Variants in LRIG1 observed in about 807,000 individuals in gnomAD.
The protein encoded by LRIG1 is leucine rich repeats and immunoglobulin like domains 1.
LRIG1 carries 48 observed loss-of-function variants against 99.2 expected under a neutral mutation model. The ratio of observed to expected loss-of-function variants is 0.48; its 90% CI spans 0.38 to 0.62. The LOEUF (loss-of-function observed/expected upper bound fraction) is 0.62. Ranked by LOEUF, LRIG1 falls within the 20% of genes least tolerant of loss-of-function variation. The pLI is 0.00. For missense variants in LRIG1, 1,646 were observed against 1,434.4 expected (o/e 1.15, Z -2.38); for synonymous variants, 772 against 596.1 (o/e 1.29, Z -4.30).
chr3:66,380,430 C>T lies in LRIG1; in HGVS notation c.3115G>A (p.Ala1039Thr), dbSNP rs889087435. Residue 1039 changes from alanine to threonine, a missense_variant, in exon 19 of 19, where the codon GCA becomes ACA. Physicochemically the swap from Ala to Thr is moderately conservative, Grantham distance 58. Coordinates refer to ENST00000273261, the MANE Select transcript of LRIG1 (RefSeq NM_015541.3). The part of the protein sequence containing the change: ...YHPDSTELQP[A>T]SSLTSGSPER... ...GGACTGCCTGAAGTTAATGAAGATGCAGGCTGTAGCTCTGTGGAGTCCGGG... is the reference window on the plus strand; with the variant it reads ...GGACTGCCTGAAGTTAATGAAGATGTAGGCTGTAGCTCTGTGGAGTCCGGG... 15 of 1,614,064 alleles carry T rather than the reference C, an allele frequency of 9.3e-6. No individual in the cohort carries two copies. The highest frequency in any genetic ancestry group is 2.2e-5 in the East Asian group (1 of 44,898).
At position 66,405,737 on chromosome 3, in the gene LRIG1, G is replaced by A. The variant is rs941997558; in HGVS notation, c.1080-459C>T. On this transcript the variant is annotated intron_variant, in intron 8 of 18. Coordinates refer to ENST00000273261, the MANE Select transcript of LRIG1 (RefSeq NM_015541.3). ...AAGAGACCCGGCACAGGGCCGGCCC[G>A]TGGGCGCCTCCGTACCAGCCAGTGG... 22 of 1,117,548 alleles carry A rather than the reference G, an allele frequency of 2.0e-5. No individual in the cohort carries two copies. In the East Asian group the frequency reaches 2.1e-4, roughly 11 times the overall value. The allele number at this position is 1,117,548 out of a possible 1,614,324, so 69.2% of individuals were successfully genotyped here.
At chr3:66,407,618 T>A in intron 7 of LRIG1, 127 bp from the exon 8 acceptor site, 2 of 867,398 alleles carry the variant, frequency 2.3e-6, no homozygotes, top group Non-Finnish European at 3.6e-6. Context: ...CGCACGCGCG[T>A]GCGTGCACAC....
chr3:66,444,664 AAACGAGGGTAAGACCCAGT>A (rs1189733210), intron 3 of LRIG1, among the ~76,000 whole-genome samples: 2 of 152,212 alleles, frequency 1.3e-5, no homozygotes, highest in Non-Finnish European at 2.9e-5. Flanking sequence ...ACCAAGCCAG[AAACGAGGGTAAGACCCAGT>A]GACTTGTGTC....
At chr3:66,489,218 T>C (rs929106205) in intron 1 of LRIG1, among the ~76,000 whole-genome samples, 2 of 152,148 alleles carry the variant, frequency 1.3e-5, no homozygotes, top group African/African-American at 4.8e-5. Flanking sequence ...CATCTGAGAA[T>C]TTCACTCAGA....
chr3:66,490,585 T>C (rs910623891), intron 1 of LRIG1, among the ~76,000 whole-genome samples: 4 of 152,192 alleles, frequency 2.6e-5, no homozygotes, highest in Admixed American at 6.5e-5. Flanking sequence ...TCTCCTAATT[T>C]GCAGAACAGC....
chr3:66,404,782 G>A (rs1337296887), intron 9 of LRIG1, among the ~76,000 whole-genome samples: 3 of 152,200 alleles, frequency 2.0e-5, no homozygotes, highest in Non-Finnish European at 2.9e-5. Flanking sequence ...TATTTGAGAT[G>A]ATGGTTAATG....
intron 3 of LRIG1, among the ~76,000 whole-genome samples, chr3:66,449,073 T>A (rs1341085500): frequency 6.6e-6 from 1 of 152,216 alleles, no homozygotes; most frequent in East Asian, 1.9e-4. Flanking sequence ...CTTCATTGAT[T>A]AGGATGAGGA....
At chr3:66,386,452 G>A (rs554814072) in intron 12 of LRIG1, 151 bp from the exon 13 acceptor site, 40 of 652,128 alleles carry the variant, frequency 6.1e-5, no homozygotes, top group East Asian at 2.4e-4. Context: ...ACCAGATGCC[G>A]TAAGAGTTGC....
At chr3:66,407,615 G>T in intron 7 of LRIG1, 124 bp from the exon 8 acceptor site, 2 of 1,014,160 alleles carry the variant, frequency 2.0e-6, no homozygotes, top group Non-Finnish European at 1.5e-6. Context: ...ACACGCACGC[G>T]CGTGCGTGCA....
chr3:66,446,455 G>C (rs926268951), intron 3 of LRIG1, among the ~76,000 whole-genome samples: 3 of 141,770 alleles, frequency 2.1e-5, no homozygotes, highest in African/African-American at 8.0e-5. Flanking sequence ...TCCCAGGCTA[G>C]AGTGCAATGG....
chr3:66,434,827 G>A (rs1215146675), intron 3 of LRIG1, among the ~76,000 whole-genome samples: 1 of 150,768 alleles, frequency 6.6e-6, no homozygotes, highest in Admixed American at 6.6e-5. Flanking sequence ...CCTATACACT[G>A]CCGGTAGAAA....
intron 3 of LRIG1, among the ~76,000 whole-genome samples, chr3:66,447,892 T>TA (rs1575699800): frequency 6.6e-6 from 1 of 152,178 alleles, no homozygotes; most frequent in East Asian, 1.9e-4. Flanking sequence ...GATTTTAAAT[T>TA]AAAAAAGAAA....
In LRIG1 at chr3:66,448,223, A is replaced by G. The variant is rs552474407; in HGVS notation, c.365+3336T>C. 1.2e-3 allele frequency among the ~76,000 whole-genome samples: 187 copies of G among 152,308 alleles called. 1 individual carries two copies. Among genetic ancestry groups the G allele is most frequent in the African/African-American group, 4.3e-3 (178 of 41,564 alleles). On this transcript the variant is annotated intron_variant, in intron 3 of 18. Transcript: ENST00000273261. ...TATGGAAGTCTCTTTTGAAGACCTG[A>G]CAGAAAAAGCCAGGTGCAGAGCAAT...
chr3:66,484,715 T>C (rs6793808), intron 1 of LRIG1, among the ~76,000 whole-genome samples: 6,484 of 152,118 alleles, frequency 0.043, 467 homozygotes, highest in African/African-American at 0.15. Context: ...AACAATGGGA[T>C]TCATGTGCTC....
chr3:66,445,939 C>T (rs1021060349), intron 3 of LRIG1, among the ~76,000 whole-genome samples: 22 of 152,138 alleles, frequency 1.4e-4, no homozygotes, highest in Admixed American at 3.9e-4. Context: ...AATTTTCCGA[C>T]GTTGCACTCC....
intron 1 of LRIG1, among the ~76,000 whole-genome samples, chr3:66,479,019 G>A (rs1700787592): frequency 6.6e-6 from 1 of 152,074 alleles, no homozygotes; most frequent in Non-Finnish European, 1.5e-5. Flanking sequence ...AGCTCTGTCA[G>A]CCCATCACCC....
chr3:66,466,746 A>AG (rs1196563063), intron 1 of LRIG1, among the ~76,000 whole-genome samples: 3 of 152,252 alleles, frequency 2.0e-5, no homozygotes, highest in Non-Finnish European at 4.4e-5. Flanking sequence ...GCCCTGTACC[A>AG]GGCCTGACAT....
chr3:66,437,791 G>C lies in LRIG1; in HGVS notation c.365+13768C>G, dbSNP rs562484826. Reference sequence around the variant, plus strand: ...GAGACAGAGGGATGTCATAGGTGCAGTGGCAGAGGGGAACACAACATCATG... The same window carrying C: ...GAGACAGAGGGATGTCATAGGTGCACTGGCAGAGGGGAACACAACATCATG... On this transcript the variant is annotated intron_variant, in intron 3 of 18. Coordinates refer to ENST00000273261, the MANE Select transcript of LRIG1 (RefSeq NM_015541.3). 2.6e-5 allele frequency among the ~76,000 whole-genome samples: 4 copies of C among 152,320 alleles called. No individual in the cohort carries two copies. The South Asian group carries it at 8.3e-4, about 32-fold the overall frequency.
At chr3:66,467,911 T>C (rs894817842) in intron 1 of LRIG1, among the ~76,000 whole-genome samples, 2 of 152,198 alleles carry the variant, frequency 1.3e-5, no homozygotes, top group Non-Finnish European at 2.9e-5. Context: ...TCGAGAACTA[T>C]GTAAAAGGCT....
Sources: allele counts gnomAD v4.1 joint callset (sites outside exome capture counted in the v4.1 genomes callset), GRCh38; gene constraint gnomAD v4.1.1; transcripts MANE v1.5; gene names NCBI Gene and HGNC (gene_info 2026-07-23, HGNC 2026-07-21).